The following RALGAPA2 variants were observed in gnomAD, a reference collection of about 807,000 sequenced individuals.
The protein encoded by RALGAPA2 is Ral GTPase activating protein catalytic subunit alpha 2, also known as ral GTPase-activating protein subunit alpha-2.
Under a neutral mutation model 230.4 loss-of-function variants are expected in RALGAPA2, and 139 were observed. The ratio of observed to expected loss-of-function variants is 0.60; its 90% confidence interval spans 0.53 to 0.69. The LOEUF (loss-of-function observed/expected upper bound fraction) is 0.69, where lower values mean the gene tolerates loss of function less well. Ranked by LOEUF, RALGAPA2 falls within the 30% of genes least tolerant of loss-of-function variation. The pLI is 0.00. For missense variants in RALGAPA2, 2,163 were observed against 2,276.0 expected (o/e 0.95, Z 1.01); for synonymous variants, 847 against 837.8 (o/e 1.01, Z -0.19).
At chr20:20,429,966 C>G (rs1380677352) in intron 37 of RALGAPA2, among the ~76,000 whole-genome samples, 1 of 152,214 alleles carries the variant, frequency 6.6e-6, no homozygotes, top group Non-Finnish European at 1.5e-5. Flanking sequence ...AAATTCAGGC[C>G]TGATATTTCA....
chr20:20,586,169 A>C (rs931076506), intron 18 of RALGAPA2, among the ~76,000 whole-genome samples: 3 of 152,186 alleles, frequency 2.0e-5, no homozygotes, highest in Non-Finnish European at 4.4e-5. Context: ...CAGATCCTAC[A>C]TAAAACTTTA....
rs537624634 is a variant in RALGAPA2 at position 20,597,761 on chromosome 20, C to A, written c.2203+3921G>T. 2.1e-4 allele frequency among the ~76,000 whole-genome samples: 32 copies of A among 152,168 alleles called. No homozygotes were observed. The South Asian group carries it at 6.0e-3, about 29-fold the overall frequency. Reference sequence around the variant, plus strand: ...GGCTGAGGCAGGAGAACTGCTTGAACCCGGGAAGCAGAGGTTGCAGTGAGC... The same window carrying A: ...GGCTGAGGCAGGAGAACTGCTTGAAACCGGGAAGCAGAGGTTGCAGTGAGC... On this transcript the variant is annotated intron_variant, in intron 16 of 39. Transcript: ENST00000202677.
intron 37 of RALGAPA2, among the ~76,000 whole-genome samples, chr20:20,441,326 A>C (rs921670289): frequency 3.3e-5 from 5 of 152,222 alleles, no homozygotes; most frequent in African/African-American, 7.2e-5. Flanking sequence ...GACAGCCGTT[A>C]ATCTGTAAGT....
At chr20:20,509,531 C>T (rs561145541) in intron 33 of RALGAPA2, among the ~76,000 whole-genome samples, 3 of 152,160 alleles carry the variant, frequency 2.0e-5, no homozygotes, top group South Asian at 2.1e-4. Flanking sequence ...CCCTCATGTC[C>T]CCTTCTGCAG....
At chr20:20,444,784 C>T (rs778575403) in intron 37 of RALGAPA2, among the ~76,000 whole-genome samples, 5 of 152,338 alleles carry the variant, frequency 3.3e-5, no homozygotes, top group Non-Finnish European at 7.3e-5. Context: ...CCCCCTTCTC[C>T]GTGACTTCCT....
chr20:20,625,433 T>C (rs1405363275), intron 10 of RALGAPA2, among the ~76,000 whole-genome samples: 1 of 152,218 alleles, frequency 6.6e-6, no homozygotes, highest in Non-Finnish European at 1.5e-5. Flanking sequence ...CATAGATTTT[T>C]TAATAAAAAT....
Position 20,398,563 on chromosome 20 carries a change from GAGCAGAGGAGTAAGCTGTC to G in RALGAPA2, c.5618-1848_5618-1830del. Among the ~76,000 whole-genome samples the G allele has an allele frequency of 6.6e-6, 1 of 152,308 alleles. No individual in the cohort carries two copies. Among genetic ancestry groups the G allele is most frequent in the South Asian group, 2.1e-4 (1 of 4,826 alleles). On this transcript the variant is annotated intron_variant, in intron 38 of 39. Coordinates refer to ENST00000202677, the MANE Select transcript of RALGAPA2 (RefSeq NM_020343.4). This position sits in a 1 kb window ranked among gnomAD's most constrained non-coding sequence, Gnocchi z 4.5. Reference sequence around the variant, plus strand: ...CCCAAAGGGTGGGGTTCCAGTCGTGGAGCAGAGGAGTAAGCTGTCAGCTTCCTGATACATCTCTGGGGTA... The same window carrying G: ...CCCAAAGGGTGGGGTTCCAGTCGTGGAGCTTCCTGATACATCTCTGGGGTA...
At chr20:20,468,963 TTG>T (rs754994354) in intron 37 of RALGAPA2, among the ~76,000 whole-genome samples, 1,583 of 142,658 alleles carry the variant, frequency 0.011, 20 homozygotes, top group African/African-American at 0.031. Flanking sequence ...GTGTGTGTGT[TTG>T]TGTGTGTGTG....
chr20:20,393,048 A>T lies in RALGAPA2; in HGVS notation c.*241T>A. The T allele has an allele frequency of 7.8e-7, 1 of 1,282,498 alleles. No homozygotes were observed. The highest frequency in any genetic ancestry group is 1.2e-5 in the South Asian group (1 of 81,194). The allele number at this position is 1,282,498 out of a possible 1,614,324, so 79.4% of individuals were successfully genotyped here. Reference sequence around the variant, plus strand: ...GGACAAGATGATACAGCCTAGTTTGAGTCCCATCTGAGACACGGTAGTGGG... The same window carrying T: ...GGACAAGATGATACAGCCTAGTTTGTGTCCCATCTGAGACACGGTAGTGGG... On this transcript the variant is annotated 3_prime_UTR_variant, in exon 40 of 40. Coordinates refer to ENST00000202677, the MANE Select transcript of RALGAPA2 (RefSeq NM_020343.4).
intron 33 of RALGAPA2, among the ~76,000 whole-genome samples, chr20:20,506,426 C>T (rs1235973463): frequency 6.6e-6 from 1 of 152,122 alleles, no homozygotes; most frequent in African/African-American, 2.4e-5. Context: ...AGTAAAGCGA[C>T]AAAATACCTG....
chr20:20,570,206 A>G (rs999778161), intron 23 of RALGAPA2, among the ~76,000 whole-genome samples: 20 of 152,198 alleles, frequency 1.3e-4, no homozygotes, highest in Non-Finnish European at 2.5e-4. Flanking sequence ...CACAATGAAT[A>G]TGACAGACTA....
chr20:20,424,948 ATAT>A (rs1350117765), intron 37 of RALGAPA2, among the ~76,000 whole-genome samples: 2 of 152,348 alleles, frequency 1.3e-5, no homozygotes, highest in Non-Finnish European at 1.5e-5. Context: ...AGAGAAAAAA[ATAT>A]TATTAAATAA....
At chr20:20,548,743 A>G (rs2063841179) in intron 23 of RALGAPA2, among the ~76,000 whole-genome samples, 1 of 152,220 alleles carries the variant, frequency 6.6e-6, no homozygotes, top group African/African-American at 2.4e-5. Flanking sequence ...GAGTGGAACA[A>G]AAGATCCACC....
Position 20,536,638 on chromosome 20 carries a change from GTCA to G in RALGAPA2, c.3414+15_3414+17del. 1 of 1,608,832 alleles carries G rather than the reference GTCA, an allele frequency of 6.2e-7. No individual in the cohort carries two copies. The highest frequency in any genetic ancestry group is 8.5e-7 in the Non-Finnish European group (1 of 1,176,348). On this transcript the variant is annotated intron_variant, in intron 25 of 39. Coordinates refer to ENST00000202677, the MANE Select transcript of RALGAPA2 (RefSeq NM_020343.4). ...TAAAAAGTACTAAACTTGAGATACA[GTCA>G]AATGCGTTATGTACCTTGACATCTT...
At chr20:20,536,882 C>G (rs1434466197) in intron 24 of RALGAPA2, 98 bp from the exon 25 acceptor site, 1 of 1,329,414 alleles carries the variant, frequency 7.5e-7, no homozygotes, top group African/African-American at 1.5e-5. Flanking sequence ...ATAAAAAATA[C>G]CAAACTTGGC....
At chr20:20,428,618 G>A (rs1285015900) in intron 37 of RALGAPA2, among the ~76,000 whole-genome samples, 2 of 152,162 alleles carry the variant, frequency 1.3e-5, no homozygotes, top group Non-Finnish European at 2.9e-5. Context: ...AGGCCAGGAG[G>A]CTGGACATGA....
chr20:20,409,387 G>A (rs1168244522), intron 38 of RALGAPA2, among the ~76,000 whole-genome samples: 1 of 152,238 alleles, frequency 6.6e-6, no homozygotes, highest in East Asian at 1.9e-4. Context: ...TCCTGGTGGT[G>A]AGGATACAAA....
At chr20:20,577,838 C>A (rs756033362) in intron 20 of RALGAPA2, among the ~76,000 whole-genome samples, 6 of 152,064 alleles carry the variant, frequency 3.9e-5, no homozygotes, top group Non-Finnish European at 8.8e-5. Flanking sequence ...TTTGTTTCAT[C>A]GCTGGTTAAA....
intron 1 of RALGAPA2, among the ~76,000 whole-genome samples, chr20:20,683,873 A>G (rs2068607896): frequency 6.6e-6 from 1 of 152,194 alleles, no homozygotes; most frequent in Admixed American, 6.5e-5. Context: ...AGGATTAATG[A>G]CTACGCCTCT....
Sources: gnomAD v4.1 joint callset for allele counts (sites outside exome capture counted in the v4.1 genomes callset) on GRCh38, gnomAD v4.1.1 for gene constraint, Gnocchi (gnomAD v3.1) non-coding constraint, MANE v1.5 for transcripts, NCBI Gene and HGNC (gene_info 2026-07-23, HGNC 2026-07-21) for gene names.